Variants in CACNA2D3 observed in about 807,000 individuals in gnomAD.
CACNA2D3 encodes the protein calcium voltage-gated channel auxiliary subunit alpha2delta 3.
A neutral mutation model predicts 160.6 loss-of-function variants in CACNA2D3; 60 were observed. That is an observed-to-expected ratio of 0.37 (90% CI 0.30 to 0.46). CACNA2D3 has a LOEUF of 0.46. Ranked by LOEUF, CACNA2D3 falls within the 20% of genes least tolerant of loss-of-function variation. The pLI is 1.00. For missense variants in CACNA2D3, 1,205 were observed against 1,365.0 expected (o/e 0.88, Z 1.85); for synonymous variants, 558 against 492.9 (o/e 1.13, Z -1.75).
intron 9 of CACNA2D3, chr3:54,626,593 C>G: frequency 6.6e-7 from 1 of 1,518,724 alleles, no homozygotes; most frequent in South Asian, 1.1e-5. Flanking sequence ...GCCCATAAAG[C>G]ACGGCGGGCC....
At chr3:54,525,121 A>G (rs1559504288) in intron 5 of CACNA2D3, among the ~76,000 whole-genome samples, 1 of 152,136 alleles carries the variant, frequency 6.6e-6, no homozygotes, top group Non-Finnish European at 1.5e-5. Flanking sequence ...TTAGTTCATA[A>G]GGTATATATT....
chr3:54,171,158 T>TTTTTTTTTTTTTTTTTTA (rs1553743546), intron 2 of CACNA2D3, among the ~76,000 whole-genome samples: 1 of 140,678 alleles, frequency 7.1e-6, no homozygotes, highest in African/African-American at 3.0e-5. Context: ...TTTTTTTTTT[T>TTTTTTTTTTTTTTTTTTA]AGGAATAGCT....
chr3:54,699,564 A>G (rs1316751083), intron 11 of CACNA2D3, among the ~76,000 whole-genome samples: 1 of 152,014 alleles, frequency 6.6e-6, no homozygotes, highest in Non-Finnish European at 1.5e-5. Flanking sequence ...TTTATGTCTT[A>G]TCTTCTCCGT....
chr3:54,902,739 G>A (rs1700363960), intron 27 of CACNA2D3, among the ~76,000 whole-genome samples: 1 of 152,196 alleles, frequency 6.6e-6, no homozygotes, highest in South Asian at 2.1e-4. Flanking sequence ...TGCTAAATGT[G>A]TGGTCTTGGG....
intron 3 of CACNA2D3, among the ~76,000 whole-genome samples, chr3:54,359,273 T>C (rs1698702372): frequency 6.6e-6 from 1 of 152,184 alleles, no homozygotes; most frequent in African/African-American, 2.4e-5. Context: ...AGTTATTATT[T>C]CAAATATTCT....
chr3:54,544,473 A>T (rs1398773584), intron 5 of CACNA2D3, among the ~76,000 whole-genome samples: 1 of 151,816 alleles, frequency 6.6e-6, no homozygotes, highest in Non-Finnish European at 1.5e-5. Context: ...GCATGATCAT[A>T]GCTCACTGCA....
At chr3:54,282,935 A>G (rs1489903803) in intron 2 of CACNA2D3, among the ~76,000 whole-genome samples, 4 of 152,108 alleles carry the variant, frequency 2.6e-5, no homozygotes, top group African/African-American at 9.7e-5. Context: ...GTGCTTGTAG[A>G]TAATAAAAGT....
intron 34 of CACNA2D3, among the ~76,000 whole-genome samples, chr3:55,016,274 G>A (rs1703325307): frequency 6.6e-6 from 1 of 152,352 alleles, no homozygotes; most frequent in African/African-American, 2.4e-5. Flanking sequence ...CACGAGTGCA[G>A]CAGGAGTCAT....
intron 9 of CACNA2D3, 29 bp from the exon 10 acceptor site, chr3:54,627,758 C>G (rs772643879): frequency 1.4e-6 from 2 of 1,471,346 alleles, no homozygotes; most frequent in African/African-American, 1.4e-5. Flanking sequence ...AGGACAGACA[C>G]TAATGGATTT....
intron 2 of CACNA2D3, among the ~76,000 whole-genome samples, chr3:54,245,214 ATTT>A (rs1178674645): frequency 1.3e-5 from 2 of 149,072 alleles, no homozygotes; most frequent in Non-Finnish European, 3.0e-5. Context: ...CAGTCTTTTT[ATTT>A]TTTTTTTAAA....
intron 14 of CACNA2D3, among the ~76,000 whole-genome samples, chr3:54,832,265 C>T (rs554417040): frequency 5.3e-4 from 80 of 152,284 alleles, no homozygotes; most frequent in African/African-American, 8.4e-4. Context: ...CAGTGCAGCT[C>T]GCGCAGAGTG....
intron 27 of CACNA2D3, among the ~76,000 whole-genome samples, chr3:54,900,771 AGGAGTATAAAT>A (rs1700309646): frequency 6.6e-6 from 1 of 152,218 alleles, no homozygotes; most frequent in Non-Finnish European, 1.5e-5. Context: ...ATTTGTGGGA[AGGAGTATAAAT>A]GGAGCAGATG....
chr3:54,362,453 A>G (rs1468585555), intron 3 of CACNA2D3, among the ~76,000 whole-genome samples: 1 of 152,178 alleles, frequency 6.6e-6, no homozygotes, highest in Non-Finnish European at 1.5e-5. Context: ...ATCTTATATA[A>G]TATCACCTAA....
chr3:54,156,610 C>T (rs940213805), intron 2 of CACNA2D3, among the ~76,000 whole-genome samples: 1 of 152,230 alleles, frequency 6.6e-6, no homozygotes, highest in African/African-American at 2.4e-5. Flanking sequence ...GCAGGGCTGG[C>T]CCTTCCTGGC....
At chr3:54,315,396 C>G (rs1186332430) in intron 2 of CACNA2D3, among the ~76,000 whole-genome samples, 1 of 152,206 alleles carries the variant, frequency 6.6e-6, no homozygotes, top group African/African-American at 2.4e-5. Context: ...CTGTTAACTG[C>G]CAATGTCTCC....
intron 2 of CACNA2D3, among the ~76,000 whole-genome samples, chr3:54,247,746 G>C (rs962955492): frequency 1.1e-4 from 16 of 152,256 alleles, no homozygotes; most frequent in Middle Eastern, 6.8e-3. Context: ...TATAGTTCAA[G>C]AGAAATTGCC....
intron 11 of CACNA2D3, among the ~76,000 whole-genome samples, chr3:54,709,502 A>G (rs1026591028): frequency 3.9e-5 from 6 of 152,084 alleles, no homozygotes; most frequent in Admixed American, 3.9e-4. Flanking sequence ...TTGGGACTGC[A>G]GGTGTACATC....
chr3:54,418,362 A>G lies in CACNA2D3; in HGVS notation c.381+31588A>G, dbSNP rs1216045164. On this transcript the variant is annotated intron_variant, in intron 4 of 37. Coordinates refer to ENST00000474759, the MANE Select transcript of CACNA2D3 (RefSeq NM_018398.3). ...ATTTTAAAGCCTTTTGTCTTGTTCTACTTGAGATTGGCTGAAATGTAGAGG... is the reference window on the plus strand; with the variant it reads ...ATTTTAAAGCCTTTTGTCTTGTTCTGCTTGAGATTGGCTGAAATGTAGAGG... Among the ~76,000 whole-genome samples, 12 of 152,254 alleles carry G rather than the reference A, an allele frequency of 7.9e-5. No individual in the cohort carries two copies. The South Asian group carries it at 1.5e-3, about 18-fold the overall frequency.
intron 27 of CACNA2D3, chr3:54,918,142 C>A (rs1700706406): frequency 8.9e-6 from 2 of 224,094 alleles, no homozygotes; most frequent in South Asian, 9.6e-5. Flanking sequence ...GAACTTAATC[C>A]ACAGAAGAGT....
Sources: allele counts gnomAD v4.1 joint callset (sites outside exome capture counted in the v4.1 genomes callset), GRCh38; gene constraint gnomAD v4.1.1; transcripts MANE v1.5; gene names NCBI Gene and HGNC (gene_info 2026-07-23, HGNC 2026-07-21).